The following OSBPL1A variants were observed in gnomAD, a reference collection of about 807,000 sequenced individuals.
OSBPL1A encodes the protein oxysterol-binding protein-related protein 1.
Under a neutral mutation model 137.1 loss-of-function variants are expected in OSBPL1A, and 80 were observed. The ratio of observed to expected loss-of-function variants is 0.58; its 90% confidence interval spans 0.49 to 0.70. The LOEUF (loss-of-function observed/expected upper bound fraction) is 0.70. Ranked by LOEUF, OSBPL1A falls within the 30% of genes least tolerant of loss-of-function variation. The pLI, the probability that OSBPL1A is intolerant of heterozygous loss-of-function variation, is 0.00. For missense variants in OSBPL1A, 970 were observed against 1,129.4 expected (o/e 0.86, Z 2.02); for synonymous variants, 365 against 389.7 (o/e 0.94, Z 0.75).
At chr18:24,307,347 T>C (rs1332000021) in intron 13 of OSBPL1A, among the ~76,000 whole-genome samples, 1 of 152,234 alleles carries the variant, frequency 6.6e-6, no homozygotes, top group African/African-American at 2.4e-5. Context: ...ACATTTATTC[T>C]TTCTGACATC....
rs543600469 is a variant in OSBPL1A, at chr18:24,226,174, G to A, written c.1445-976C>T. On this transcript the variant is annotated intron_variant, in intron 16 of 27. Transcript: ENST00000319481. ...AAGAAGACAACGCATTTTTGTACAC[G>A]ACAGTAGCGTTTTCAGGCATTTCAC... 4.6e-5 allele frequency among the ~76,000 whole-genome samples: 7 copies of A among 152,166 alleles called. No homozygotes were observed. The South Asian group carries it at 1.0e-3, about 23-fold the overall frequency.
chr18:24,372,365 A>C (rs1025192303), intron 2 of OSBPL1A, among the ~76,000 whole-genome samples: 1 of 152,118 alleles, frequency 6.6e-6, no homozygotes, highest in Non-Finnish European at 1.5e-5. Flanking sequence ...TGACTTCAAA[A>C]TCCATATTTC....
At chr18:24,284,395 G>T (rs766083556) in intron 14 of OSBPL1A, among the ~76,000 whole-genome samples, 1 of 151,952 alleles carries the variant, frequency 6.6e-6, no homozygotes, top group Admixed American at 6.6e-5. Flanking sequence ...TTGATTTTCA[G>T]GAAAAAAGTT....
intron 4 of OSBPL1A, among the ~76,000 whole-genome samples, chr18:24,353,581 G>A (rs2091482046): frequency 6.6e-6 from 1 of 151,570 alleles, no homozygotes; most frequent in Non-Finnish European, 1.5e-5. Flanking sequence ...TATACCCAAA[G>A]GATTATAAAT....
chr18:24,303,087 G>A (rs1461443310), intron 14 of OSBPL1A, among the ~76,000 whole-genome samples: 2 of 152,032 alleles, frequency 1.3e-5, no homozygotes, highest in Admixed American at 6.6e-5. Flanking sequence ...TGCAACCTCT[G>A]TCTCCTAGGT....
At chr18:24,375,695 G>C (rs886938747) in intron 2 of OSBPL1A, among the ~76,000 whole-genome samples, 1 of 152,156 alleles carries the variant, frequency 6.6e-6, no homozygotes, top group Admixed American at 6.5e-5. Flanking sequence ...TTGTAATGCA[G>C]ACTAGTCTGA....
At chr18:24,274,692 C>G (rs1261613103) in intron 15 of OSBPL1A, among the ~76,000 whole-genome samples, 6 of 152,064 alleles carry the variant, frequency 3.9e-5, no homozygotes, top group Admixed American at 3.9e-4. Context: ...TGTATCACTT[C>G]AGTTCAGAAG....
intron 7 of OSBPL1A, among the ~76,000 whole-genome samples, chr18:24,322,054 G>C (rs1209972361): frequency 6.6e-6 from 1 of 150,890 alleles, no homozygotes; most frequent in Non-Finnish European, 1.5e-5. Flanking sequence ...GTTTGGACTA[G>C]AAAGTCAGTA....
At chr18:24,355,985 C>CAAAAAAAAAAAAA (rs200338021) in intron 4 of OSBPL1A, among the ~76,000 whole-genome samples, 1 of 97,430 alleles carries the variant, frequency 1.0e-5, no homozygotes, top group Non-Finnish European at 2.2e-5. Flanking sequence ...ACTCTTGTCT[C>CAAAAAAAAAAAAA]AAAAAAAAAA....
chr18:24,367,228 TTATA>T (rs35876308), intron 3 of OSBPL1A, among the ~76,000 whole-genome samples: 1 of 147,082 alleles, frequency 6.8e-6, no homozygotes. Context: ...AGACTCCATC[TTATA>T]TATATATATA....
chr18:24,346,168 C>T (rs565435539), intron 4 of OSBPL1A, among the ~76,000 whole-genome samples: 23 of 152,268 alleles, frequency 1.5e-4, no homozygotes, highest in African/African-American at 7.2e-5. Flanking sequence ...GCTCCCAAAT[C>T]GCCCCAGCTC....
At chr18:24,376,040 T>G (rs566321465) in intron 2 of OSBPL1A, among the ~76,000 whole-genome samples, 1 of 152,178 alleles carries the variant, frequency 6.6e-6, no homozygotes, top group African/African-American at 2.4e-5. Context: ...AAAAGCAGTG[T>G]GGACCCAAAG....
chr18:24,270,564 T>C (rs1328487447), intron 15 of OSBPL1A, among the ~76,000 whole-genome samples: 1 of 152,192 alleles, frequency 6.6e-6, no homozygotes, highest in East Asian at 1.9e-4. Context: ...AAAGTAGCAC[T>C]GGGACAGAGG....
At position 24,271,646 on chromosome 18, in the gene OSBPL1A, C is replaced by G. The variant is rs2089720176; in HGVS notation, c.1281+9196G>C. 1 of 985,834 alleles carries G rather than the reference C, an allele frequency of 1.0e-6. No individual in the cohort carries two copies. The highest frequency in any genetic ancestry group is 1.2e-6 in the Non-Finnish European group (1 of 830,226). 61.1% of individuals were successfully genotyped at this position (985,834 alleles called of 1,614,324 possible). A position where few individuals can be genotyped will look rare whatever the true frequency, so the allele number is the denominator to read the frequency against. Reference sequence around the variant, plus strand: ...CCTGGGCCAGATCCGAGGACCCCGGCTGGCGCGCTCCACCCTGCGCTCCTC... The same window carrying G: ...CCTGGGCCAGATCCGAGGACCCCGGGTGGCGCGCTCCACCCTGCGCTCCTC... On this transcript the variant is annotated intron_variant, in intron 15 of 27. Transcript: ENST00000319481. This position sits in a 1 kb window ranked among gnomAD's most constrained non-coding sequence, Gnocchi z 4.0.
In OSBPL1A at chr18:24,239,294, A is replaced by T; in HGVS notation, c.1370T>A (p.Leu457Ter). The change falls in exon 16 of 28, where the codon TTA becomes TAA. Residue 457 changes from leucine to a stop codon, truncating the protein, a stop_gained. Coordinates refer to ENST00000319481, the MANE Select transcript of OSBPL1A (RefSeq NM_080597.4). LOFTEE classifies it high-confidence loss of function. ...LETLATEHHE[L>*]EQSLVKGSPP... The stretch of plus-strand genomic sequence containing the variant: ...AGAGCCTTTCACCAGAGACTGCTCT[A>T]ATTCATGATGTTCAGTGGCCAGCGT... 6.2e-7 allele frequency: 1 copy of T among 1,614,106 alleles called. No individual in the cohort carries two copies. Among genetic ancestry groups the T allele is most frequent in the Non-Finnish European group, 8.5e-7 (1 of 1,179,998 alleles).
In OSBPL1A at chr18:24,243,509, T is replaced by C. The variant is rs192683794; in HGVS notation, c.1282-4127A>G. Among the ~76,000 whole-genome samples the C allele has an allele frequency of 1.4e-4, 21 of 152,314 alleles. No homozygotes were observed. In the East Asian group the frequency reaches 2.3e-3, roughly 17 times the overall value. ...ATACATTTTAATACCTAAATTCATCTAGATTTCAGCAAAGTAGCAAGATAA... is the reference window on the plus strand; with the variant it reads ...ATACATTTTAATACCTAAATTCATCCAGATTTCAGCAAAGTAGCAAGATAA... On this transcript the variant is annotated intron_variant, in intron 15 of 27. Coordinates refer to ENST00000319481, the MANE Select transcript of OSBPL1A (RefSeq NM_080597.4).
intron 1 of OSBPL1A, among the ~76,000 whole-genome samples, chr18:24,383,416 A>G (rs1377556152): frequency 2.0e-5 from 3 of 152,244 alleles, no homozygotes; most frequent in African/African-American, 7.2e-5. Context: ...AGAAAAAAAG[A>G]TTAAAAAAAT....
At chr18:24,189,196 T>C (rs1267295058) in intron 18 of OSBPL1A, among the ~76,000 whole-genome samples, 1 of 152,248 alleles carries the variant, frequency 6.6e-6, no homozygotes, top group African/African-American at 2.4e-5. Flanking sequence ...GAGAAGGCTG[T>C]GTTTTCACTT....
At position 24,178,112 on chromosome 18, in the gene OSBPL1A, T is replaced by G; in HGVS notation, c.1994A>C (p.Asn665Thr). Residue 665 changes from asparagine to threonine, a missense_variant, in exon 21 of 28, where the codon AAT becomes ACT. By Grantham distance (65) the Asn-to-Thr change is moderately conservative. This residue lies in a region of OSBPL1A where 323 missense variants were observed against 456.8 expected (regional missense o/e 0.71). Coordinates refer to ENST00000319481, the MANE Select transcript of OSBPL1A (RefSeq NM_080597.4). ...ISAFHAEGLN[N>T]DFIFHGSIYP... ...GATAGAGCCATGAAAGATGAAGTCA[T>G]TGTTTAATCCTTCAGCATGAAATGC... 1 of 1,613,768 alleles carries G rather than the reference T, an allele frequency of 6.2e-7. No homozygotes were observed. The highest frequency in any genetic ancestry group is 8.5e-7 in the Non-Finnish European group (1 of 1,179,796).
Sources: allele counts gnomAD v4.1 joint callset (sites outside exome capture counted in the v4.1 genomes callset), GRCh38; gene constraint gnomAD v4.1.1; regional missense constraint gnomAD v4.1.1; non-coding constraint Gnocchi (gnomAD v3.1); transcripts MANE v1.5; gene names NCBI Gene and HGNC (gene_info 2026-07-23, HGNC 2026-07-21).